The following PRPF38A variants were observed in gnomAD, a reference collection of about 807,000 sequenced individuals.
PRPF38A encodes the protein pre-mRNA-splicing factor 38A.
Under a neutral mutation model 46.8 loss-of-function variants are expected in PRPF38A, and 11 were observed. The observed-to-expected ratio is 0.24, with a 90% CI of 0.15 to 0.39. The LOEUF (loss-of-function observed/expected upper bound fraction) is 0.39. Ranked by LOEUF, PRPF38A falls within the 10% of genes least tolerant of loss-of-function variation. The pLI is 1.00. For synonymous variants in PRPF38A, 124 were observed against 136.2 expected (o/e 0.91, Z 0.62); for missense variants, 261 against 407.5 (o/e 0.64, Z 3.10).
chr1:52,406,307 C>T (rs1256843237), intron 2 of PRPF38A, among the ~76,000 whole-genome samples: 2 of 152,052 alleles, frequency 1.3e-5, no homozygotes, highest in Non-Finnish European at 2.9e-5. Context: ...TGTATTTTAT[C>T]TGTTCTGATT....
intron 5 of PRPF38A, among the ~76,000 whole-genome samples, chr1:52,413,505 C>T (rs968685090): frequency 9.9e-5 from 15 of 152,044 alleles, no homozygotes; most frequent in African/African-American, 3.6e-4. Flanking sequence ...AAGCAGTCTT[C>T]CCATCTCAGC....
chr1:52,409,467 AG>A (rs1288917905), intron 3 of PRPF38A: 1 of 152,180 alleles, frequency 6.6e-6, no homozygotes, highest in African/African-American at 2.4e-5. Flanking sequence ...AGTAATTAGC[AG>A]GGTGTGGAGG....
rs754298416 is a variant in PRPF38A, at chr1:52,413,903, C to A, written c.634C>A (p.His212Asn). 1.9e-6 allele frequency: 3 copies of A among 1,613,596 alleles called. No individual in the cohort carries two copies. Among genetic ancestry groups the A allele is most frequent in the Non-Finnish European group, 2.5e-6 (3 of 1,179,704 alleles). ...GTTGGAAAGAGTGCCATCACCTGAT[C>A]ACCGCCGGAGAAGCTACCGAGACTT... is the stretch of plus-strand genomic sequence containing the variant. ...EKLERVPSPD[H>N]RRRSYRDLDK... Residue 212 changes from histidine (H) to asparagine (N), a missense_variant, in exon 6 of 10, where the codon CAC becomes AAC. This residue lies in a region of PRPF38A where 180 missense variants were observed against 221.0 expected (regional missense o/e 0.81). Coordinates refer to ENST00000257181, the MANE Select transcript of PRPF38A (RefSeq NM_032864.4).
rs1411335555 is a variant in PRPF38A at position 52,408,578 on chromosome 1, C to T, written c.300C>T (p.Arg100=). Residue 100 remains arginine, a synonymous_variant, in exon 3 of 10, where the codon CGC becomes CGT. Transcript: ENST00000257181. ...FIKNEDFKYV[R]MLGALYMRLT... is the part of the protein sequence containing the mutation. ...GTCATCTGTCTCTCAGGTATGTCCG[C>T]ATGCTGGGGGCACTTTACATGAGGC... 2 of 1,614,182 alleles carry T rather than the reference C, an allele frequency of 1.2e-6. No individual in the cohort carries two copies. Among genetic ancestry groups the T allele is most frequent in the South Asian group, 2.2e-5 (2 of 91,090 alleles).
chr1:52,407,614 C>T (rs923065613), intron 2 of PRPF38A, among the ~76,000 whole-genome samples: 1 of 152,158 alleles, frequency 6.6e-6, no homozygotes, highest in African/African-American at 2.4e-5. Flanking sequence ...AATATATCTT[C>T]TTTCTGTTTT....
chr1:52,408,821 G>C (rs1023481376), intron 3 of PRPF38A, 131 bp downstream of exon 3: 1 of 1,178,904 alleles, frequency 8.5e-7, no homozygotes, highest in African/African-American at 1.5e-5. Flanking sequence ...TCTCTATGCA[G>C]GTTTTCCCTT....
chr1:52,404,631 T>G lies in PRPF38A; in HGVS notation c.-119T>G, dbSNP rs1569969111. On this transcript the variant is annotated 5_prime_UTR_variant, in exon 1 of 10. Transcript: ENST00000257181. ...TACGGTGTTTCCGGCTTCAAGATGG[T>G]CGCCTAAGCTGTTTAGTGAAACTTC... The G allele has an allele frequency of 2.6e-6, 3 of 1,133,432 alleles. No homozygotes were observed. The highest frequency in any genetic ancestry group is 3.7e-6 in the Non-Finnish European group (3 of 803,860). 70.2% of individuals were successfully genotyped at this position (1,133,432 alleles called of 1,614,324 possible). A position where few individuals can be genotyped will look rare whatever the true frequency, so the allele number is the denominator to read the frequency against.
intron 1 of PRPF38A, among the ~76,000 whole-genome samples, chr1:52,405,159 T>G (rs1647941061): frequency 6.6e-6 from 1 of 152,194 alleles, no homozygotes; most frequent in African/African-American, 2.4e-5. Flanking sequence ...AGTGTTAAGC[T>G]CAGGGATCCG....
intron 9 of PRPF38A, 98 bp downstream of exon 9, chr1:52,415,484 TCTC>T (rs1648264334): frequency 2.0e-6 from 2 of 987,660 alleles, no homozygotes; most frequent in Admixed American, 2.1e-5. Context: ...TGTTAGGAAT[TCTC>T]CTGCATTACA....
In PRPF38A at chr1:52,404,617, C is replaced by T; in HGVS notation, c.-133C>T. The T allele has an allele frequency of 2.1e-6, 2 of 961,970 alleles. No homozygotes were observed. The highest frequency in any genetic ancestry group is 3.0e-6 in the Non-Finnish European group (2 of 657,262). 59.6% of individuals were successfully genotyped at this position (961,970 alleles called of 1,614,324 possible). ...GAAGCCCTTTACACTACGGTGTTTC[C>T]GGCTTCAAGATGGTCGCCTAAGCTG... On this transcript the variant is annotated 5_prime_UTR_variant, in exon 1 of 10. Coordinates refer to ENST00000257181, the MANE Select transcript of PRPF38A (RefSeq NM_032864.4).
chr1:52,407,151 G>A (rs1436115175), intron 2 of PRPF38A, among the ~76,000 whole-genome samples: 2 of 152,058 alleles, frequency 1.3e-5, no homozygotes, highest in African/African-American at 4.8e-5. Flanking sequence ...CCAAGTAGCT[G>A]GGACTACAGG....
chr1:52,413,999 C>T lies in PRPF38A; in HGVS notation c.722+8C>T. ...GAGCCGGTCTCCCAGAAGGTAAAGC[C>T]TAGTCATTGGCCTTTTCCCAGAAGA... On this transcript the variant is annotated splice_region_variant and intron_variant, in intron 6 of 9. Transcript: ENST00000257181. 2 of 1,577,430 alleles carry T rather than the reference C, an allele frequency of 1.3e-6. No individual in the cohort carries two copies. The highest frequency in any genetic ancestry group is 8.7e-7 in the Non-Finnish European group (1 of 1,147,078).
chr1:52,408,466 A>G, intron 2 of PRPF38A, 103 bp from the exon 3 acceptor site: 2 of 1,513,510 alleles, frequency 1.3e-6, no homozygotes, highest in Non-Finnish European at 1.8e-6. Flanking sequence ...CTTACCTGCC[A>G]AAGAGAAGAA....
chr1:52,415,331 T>TC lies in PRPF38A; in HGVS notation c.848-3dup. 8.1e-6 allele frequency: 13 copies of TC among 1,613,648 alleles called. No homozygotes were observed. Among genetic ancestry groups the TC allele is most frequent in the Non-Finnish European group, 1.1e-5 (13 of 1,179,688 alleles). ...AGGATCTTATGCAATGGCCTTTTCTTCCCCAGGTCATCACCGTAGTCACAG... is the reference window on the plus strand; with the variant it reads ...AGGATCTTATGCAATGGCCTTTTCTTCCCCCAGGTCATCACCGTAGTCACAG... On this transcript the variant is annotated splice_region_variant and splice_polypyrimidine_tract_variant and intron_variant, in intron 8 of 9. Coordinates refer to ENST00000257181, the MANE Select transcript of PRPF38A (RefSeq NM_032864.4).
At position 52,415,402 on chromosome 1, in the gene PRPF38A, C is replaced by T. The variant is rs373431661; in HGVS notation, c.896+16C>T. The stretch of plus-strand genomic sequence containing the variant: ...CTCCCGAAAGGTAATGAATTGACCT[C>T]TATTTTAACTTTACAGAAATAGTCC... On this transcript the variant is annotated intron_variant, in intron 9 of 9. Coordinates refer to ENST00000257181, the MANE Select transcript of PRPF38A (RefSeq NM_032864.4). 1.2e-6 allele frequency: 2 copies of T among 1,606,862 alleles called. No homozygotes were observed. The highest frequency in any genetic ancestry group is 3.3e-5 in the Admixed American group (2 of 59,850).
rs749138672 is a variant in PRPF38A, at chr1:52,413,935, G to A, written c.666G>A (p.Lys222=). 2 of 1,614,050 alleles carry A rather than the reference G, an allele frequency of 1.2e-6. No homozygotes were observed. Among genetic ancestry groups the A allele is most frequent in the South Asian group, 2.2e-5 (2 of 91,078 alleles). ...HRRRSYRDLD[K]PRRSPTLRYR... is the part of the protein sequence containing the mutation. ...GGAGAAGCTACCGAGACTTGGACAA[G>A]CCCCGTCGCTCTCCCACACTGCGCT... is the stretch of plus-strand genomic sequence containing the variant. The change falls in exon 6 of 10, where the codon AAG becomes AAA. Residue 222 remains lysine (K), a synonymous_variant. Coordinates refer to ENST00000257181, the MANE Select transcript of PRPF38A (RefSeq NM_032864.4).
At chr1:52,410,672 TTG>T (rs1028227934) in intron 3 of PRPF38A, among the ~76,000 whole-genome samples, 4 of 151,988 alleles carry the variant, frequency 2.6e-5, no homozygotes, top group African/African-American at 7.2e-5. Flanking sequence ...CAGCTAATTT[TTG>T]TGTTTTTAGT....
rs71041898 is a variant in PRPF38A at position 52,415,832 on chromosome 1, C to CTTTTTTT, written c.896+468_896+474dup. ...TGTGCCATATACCGTTGGGTGCACT[C>CTTTTTTT]TTTTTTTTTTTTTTTTTTTTTTTTT... is the stretch of plus-strand genomic sequence containing the variant. On this transcript the variant is annotated intron_variant, in intron 9 of 9. Transcript: ENST00000257181. 2.1e-4 allele frequency among the ~76,000 whole-genome samples: 11 copies of CTTTTTTT among 51,610 alleles called. 2 individuals are homozygous for CTTTTTTT. The highest frequency in any genetic ancestry group is 1.0e-3 in the African/African-American group (11 of 10,890). The allele number at this position is 51,610 out of a possible 152,430, so 33.9% of individuals were successfully genotyped here.
rs1408499481 is a variant in PRPF38A at position 52,417,688 on chromosome 1, A to G, written c.*998A>G. 6.6e-6 allele frequency: 1 copy of G among 152,254 alleles called. No individual in the cohort carries two copies. Among genetic ancestry groups the G allele is most frequent in the Non-Finnish European group, 1.5e-5 (1 of 68,042 alleles). 9.4% of individuals were successfully genotyped at this position (152,254 alleles called of 1,614,324 possible). ...GTTTAACATAGCGATCTAGGCCAGA[A>G]TTGACAATGTTTAAGTAATGGTGGA... On this transcript the variant is annotated 3_prime_UTR_variant, in exon 10 of 10. Transcript: ENST00000257181.
Sources: gnomAD v4.1 joint callset for allele counts (sites outside exome capture counted in the v4.1 genomes callset) on GRCh38, gnomAD v4.1.1 for gene constraint, gnomAD v4.1.1 regional missense constraint, MANE v1.5 for transcripts, NCBI Gene and HGNC (gene_info 2026-07-23, HGNC 2026-07-21) for gene names.